The following TCTN3 variants were observed in gnomAD, a reference collection of about 807,000 sequenced individuals.
The protein encoded by TCTN3 is tectonic family member 3.
Under a neutral mutation model 71.3 loss-of-function variants are expected in TCTN3, and 57 were observed. The ratio of observed to expected loss-of-function variants is 0.80; its 90% CI spans 0.65 to 1.00. The LOEUF (loss-of-function observed/expected upper bound fraction) is 1.00. TCTN3 is among the 50% of genes least tolerant of loss of function. The probability of loss-of-function intolerance (pLI) is 0.00; values close to 1 mark genes in which losing one functional copy is unlikely to be tolerated. For synonymous variants in TCTN3, 258 were observed against 267.8 expected (o/e 0.96, Z 0.36); for missense variants, 696 against 719.9 (o/e 0.97, Z 0.38).
intron 13 of TCTN3, among the ~76,000 whole-genome samples, chr10:95,666,082 A>G (rs972342490): frequency 1.3e-5 from 2 of 151,860 alleles, no homozygotes; most frequent in African/African-American, 2.4e-5. Context: ...CTGGGACTAC[A>G]TGTGCCCACC....
chr10:95,685,405 TC>T, intron 8 of TCTN3, 150 bp downstream of exon 8: 2 of 538,646 alleles, frequency 3.7e-6, no homozygotes, highest in Non-Finnish European at 6.5e-6. Flanking sequence ...CAACCAAGAA[TC>T]TACCAATACA....
At chr10:95,685,659 T>C (rs2097947586) in intron 7 of TCTN3, 23 bp from the exon 8 acceptor site, 22 of 1,525,360 alleles carry the variant, frequency 1.4e-5, no homozygotes, top group Non-Finnish European at 1.9e-5. Flanking sequence ...AGAAGCAAAT[T>C]AACTAAAACT....
chr10:95,679,878 C>T (rs2097941197), intron 13 of TCTN3, among the ~76,000 whole-genome samples: 1 of 152,162 alleles, frequency 6.6e-6, no homozygotes. Context: ...GCGTGAGCCA[C>T]CGCGCCCGGC....
At chr10:95,685,212 T>A (rs540650309) in intron 8 of TCTN3, among the ~76,000 whole-genome samples, 4 of 152,282 alleles carry the variant, frequency 2.6e-5, no homozygotes, top group African/African-American at 9.6e-5. Context: ...AGACTGCAAG[T>A]GGGCAACAGA....
At chr10:95,669,530 C>A (rs544775601) in intron 13 of TCTN3, among the ~76,000 whole-genome samples, 1 of 152,296 alleles carries the variant, frequency 6.6e-6, no homozygotes, top group East Asian at 1.9e-4. Flanking sequence ...TCAGTATCTG[C>A]TGGTGAATTT....
chr10:95,669,995 C>T (rs555920745), intron 13 of TCTN3, among the ~76,000 whole-genome samples: 88 of 135,316 alleles, frequency 6.5e-4, no homozygotes, highest in Admixed American at 2.3e-3. Context: ...CCCCAGGGGG[C>T]GGAGCCTGCA....
chr10:95,665,660 T>C (rs898027757), intron 13 of TCTN3, among the ~76,000 whole-genome samples: 10 of 152,172 alleles, frequency 6.6e-5, no homozygotes, highest in Non-Finnish European at 1.3e-4. Context: ...AATGTGCTAT[T>C]CTAACTCATT....
At chr10:95,688,651 GT>G (rs1283151995) in intron 3 of TCTN3, among the ~76,000 whole-genome samples, 1 of 152,162 alleles carries the variant, frequency 6.6e-6, no homozygotes, top group African/African-American at 2.4e-5. Flanking sequence ...TTAGAGATTT[GT>G]TGCATTTTAT....
rs1245971702 is a variant in TCTN3 at position 95,682,196 on chromosome 10, GA to G, written c.1452+454del. ...GGTAAGAGTTCAAGATCTTGACTTAGAAAAAAAAAAAAAGGCCAGGCGCGGT... is the reference window on the plus strand; with the variant it reads ...GGTAAGAGTTCAAGATCTTGACTTAGAAAAAAAAAAAAGGCCAGGCGCGGT... On this transcript the variant is annotated intron_variant, in intron 12 of 13. Transcript: ENST00000371217. 6.1e-3 allele frequency among the ~76,000 whole-genome samples: 555 copies of G among 90,256 alleles called. 5 individuals are homozygous for G. The highest frequency in any genetic ancestry group is 0.053 in the Middle Eastern group (6 of 114). The allele number at this position is 90,256 out of a possible 152,430, so 59.2% of individuals were successfully genotyped here. A position where few individuals can be genotyped will look rare whatever the true frequency, so the allele number is the denominator to read the frequency against.
chr10:95,689,737 A>G (rs2097951907), intron 3 of TCTN3, among the ~76,000 whole-genome samples: 1 of 152,190 alleles, frequency 6.6e-6, no homozygotes. Flanking sequence ...CACCTAAAAG[A>G]GCTTAAAGGT....
At chr10:95,677,290 G>A (rs1295785077) in intron 13 of TCTN3, among the ~76,000 whole-genome samples, 4 of 152,014 alleles carry the variant, frequency 2.6e-5, no homozygotes, top group Non-Finnish European at 5.9e-5. Flanking sequence ...ACCCTAAATA[G>A]TATAAAATTG....
At chr10:95,677,775 C>T (rs988768840) in intron 13 of TCTN3, among the ~76,000 whole-genome samples, 8 of 152,028 alleles carry the variant, frequency 5.3e-5, no homozygotes, top group African/African-American at 1.7e-4. Context: ...GAATGCAGAA[C>T]AGGGTAGAGT....
At chr10:95,674,947 A>G (rs1477239146) in intron 13 of TCTN3, among the ~76,000 whole-genome samples, 1 of 152,160 alleles carries the variant, frequency 6.6e-6, no homozygotes, top group East Asian at 1.9e-4. Context: ...TTTGAGAGAG[A>G]AGCTACTGAA....
At position 95,685,635 on chromosome 10, in the gene TCTN3, A is replaced by G. The variant is rs1244380449; in HGVS notation, c.890T>C (p.Phe297Ser). Reference protein sequence around the residue: ...RSMTDPQNMEFQVPVILTSQA... With the variant: ...RSMTDPQNMESQVPVILTSQA... ...TGAGGTAAGTATTACAGGAACCTGGAACTAGCAACGAAAAGAAGCAAATTA... is the reference window on the plus strand; with the variant it reads ...TGAGGTAAGTATTACAGGAACCTGGGACTAGCAACGAAAAGAAGCAAATTA... Residue 297 changes from phenylalanine (F) to serine (S), a missense_variant and splice_region_variant, in exon 8 of 14, where the codon TTC (phenylalanine) becomes TCC (serine). Physicochemically the swap from Phe to Ser is radical, Grantham distance 155 (BLOSUM62 -2). Coordinates refer to ENST00000371217, the MANE Select transcript of TCTN3 (RefSeq NM_015631.6). 6.4e-7 allele frequency: 1 copy of G among 1,551,128 alleles called. No homozygotes were observed. Among genetic ancestry groups the G allele is most frequent in the Non-Finnish European group, 8.7e-7 (1 of 1,146,576 alleles).
At chr10:95,686,468 T>C (rs1229660220) in intron 7 of TCTN3, 27 bp downstream of exon 7, 1 of 1,612,806 alleles carries the variant, frequency 6.2e-7, no homozygotes, top group South Asian at 1.1e-5. Context: ...ATTCTTTTTC[T>C]TTTTTCCTGG....
At chr10:95,677,223 T>G (rs764932525) in intron 13 of TCTN3, among the ~76,000 whole-genome samples, 2 of 152,200 alleles carry the variant, frequency 1.3e-5, no homozygotes, top group African/African-American at 2.4e-5. Context: ...AGGGTTTATA[T>G]GTAGACATGA....
At chr10:95,680,778 CTT>C (rs906355850) in intron 12 of TCTN3, among the ~76,000 whole-genome samples, 169 bp from the exon 13 acceptor site, 19 of 134,244 alleles carry the variant, frequency 1.4e-4, no homozygotes, top group East Asian at 4.4e-4. Flanking sequence ...TATTCCTGAT[CTT>C]TTTTTTTTTT....
chr10:95,693,216 C>T, intron 2 of TCTN3, 137 bp downstream of exon 2: 1 of 1,409,892 alleles, frequency 7.1e-7, no homozygotes, highest in East Asian at 2.5e-5. Flanking sequence ...AAAGGCAATT[C>T]CTAGGAAAAA....
Position 95,692,758 on chromosome 10 carries a change from A to C in TCTN3, c.499+162T>G, listed in dbSNP as rs1280095950. 1.7e-5 allele frequency: 10 copies of C among 596,252 alleles called. No homozygotes were observed. The Admixed American group carries it at 1.8e-4, about 11-fold the overall frequency. The allele number at this position is 596,252 out of a possible 1,614,324, so 36.9% of individuals were successfully genotyped here. ...TGTAAACTTTCTTAAAACATTTGAC[A>C]TTTTTTTTGCTTTTTTTTTGTTGTT... On this transcript the variant is annotated intron_variant, in intron 3 of 13. Coordinates refer to ENST00000371217, the MANE Select transcript of TCTN3 (RefSeq NM_015631.6).
Sources: allele counts gnomAD v4.1 joint callset (sites outside exome capture counted in the v4.1 genomes callset), GRCh38; gene constraint gnomAD v4.1.1; transcripts MANE v1.5; gene names NCBI Gene and HGNC (gene_info 2026-07-23, HGNC 2026-07-21).